Variants in MEP1A observed in about 807,000 individuals in gnomAD.
MEP1A encodes the protein meprin A subunit alpha, also known as N-benzoyl-L-tyrosyl-P-amino-benzoic acid hydrolase subunit alpha.
MEP1A carries 68 observed loss-of-function variants against 84.5 expected under a neutral mutation model. The observed-to-expected ratio is 0.80, with a 90% CI of 0.66 to 0.98. The LOEUF is 0.98. Ranked by LOEUF, MEP1A falls within the 50% of genes least tolerant of loss-of-function variation. MEP1A has a pLI of 0.00. For missense variants in MEP1A, 887 were observed against 919.9 expected (o/e 0.96, Z 0.46); for synonymous variants, 337 against 336.8 (o/e 1.00, Z -0.01).
downstream of MEP1A, among the ~76,000 whole-genome samples, chr6:46,843,614 T>A (rs1470597499): frequency 6.6e-6 from 1 of 152,198 alleles, no homozygotes; most frequent in African/African-American, 2.4e-5. Flanking sequence ...GGAGTGTGTG[T>A]TCCTTTTCAG....
chr6:46,815,070 A>G (rs996952139), intron 6 of MEP1A, among the ~76,000 whole-genome samples: 5 of 152,140 alleles, frequency 3.3e-5, no homozygotes, highest in African/African-American at 9.7e-5. Context: ...CTACGGTCCT[A>G]TAGGGAGGAT....
chr6:46,836,908 A>T (rs1301332556), intron 13 of MEP1A, among the ~76,000 whole-genome samples: 2 of 152,018 alleles, frequency 1.3e-5, no homozygotes, highest in Non-Finnish European at 2.9e-5. Context: ...GTGAACAGGT[A>T]CATGATGCCT....
At chr6:46,833,030 A>C in intron 10 of MEP1A, 44 bp from the exon 11 acceptor site, 1 of 1,094,528 alleles carries the variant, frequency 9.1e-7, no homozygotes, top group South Asian at 1.6e-5. Context: ...AGTACTCATT[A>C]AGTGTTGGTC....
Position 46,833,284 on chromosome 6 carries a change from A to G in MEP1A, c.1355A>G (p.Asp452Gly), listed in dbSNP as rs1194317197. The G allele has an allele frequency of 6.2e-7, 1 of 1,614,056 alleles. No homozygotes were observed. The highest frequency in any genetic ancestry group is 8.5e-7 in the Non-Finnish European group (1 of 1,180,042). ...SQVLENTSKG[D>G]KLQSPRFYNS... Reference sequence around the variant, plus strand: ...GTCCTTGAGAACACCAGCAAAGGGGACAAGCTTCAGAGCCCTCGATTCTAC... The same window carrying G: ...GTCCTTGAGAACACCAGCAAAGGGGGCAAGCTTCAGAGCCCTCGATTCTAC... Residue 452 changes from aspartate to glycine, a missense_variant, in exon 11 of 14, where the codon GAC (aspartate) becomes GGC (glycine). Asp to Gly is a moderately conservative substitution (Grantham distance 94). Coordinates refer to ENST00000230588, the MANE Select transcript of MEP1A (RefSeq NM_005588.3).
chr6:46,835,354 C>T lies in MEP1A; in HGVS notation c.1889C>T (p.Ser630Leu), dbSNP rs746944566. 1.1e-5 allele frequency: 17 copies of T among 1,611,036 alleles called. No individual in the cohort carries two copies. Among genetic ancestry groups the T allele is most frequent in the African/African-American group, 6.7e-5 (5 of 74,826 alleles). Reference sequence around the variant, plus strand: ...GAGCAGCAGGTCTCCGAAGAAGGTTCGGGAAAGGCCATGTTAGAGGAAGCC... The same window carrying T: ...GAGCAGCAGGTCTCCGAAGAAGGTTTGGGAAAGGCCATGTTAGAGGAAGCC... The part of the protein sequence containing the change: ...GQEQQVSEEG[S>L]GKAMLEEALP... The change falls in exon 13 of 14, where the codon TCG (serine) becomes TTG (leucine). Residue 630 changes from serine (S) to leucine (L), a missense_variant. Coordinates refer to ENST00000230588, the MANE Select transcript of MEP1A (RefSeq NM_005588.3).
At chr6:46,797,125 G>T (rs142263519) in intron 3 of MEP1A, among the ~76,000 whole-genome samples, 19 of 152,258 alleles carry the variant, frequency 1.2e-4, no homozygotes, top group African/African-American at 4.6e-4. Context: ...ACACCTCCTT[G>T]GTGTCCTATG....
chr6:46,816,416 A>G (rs1235762647), intron 6 of MEP1A, among the ~76,000 whole-genome samples: 2 of 152,140 alleles, frequency 1.3e-5, no homozygotes, highest in Admixed American at 6.6e-5. Flanking sequence ...TTAATACATG[A>G]CAATGAGTGT....
chr6:46,814,718 AT>A (rs1052004421), intron 6 of MEP1A, among the ~76,000 whole-genome samples: 1 of 152,018 alleles, frequency 6.6e-6, no homozygotes, highest in Non-Finnish European at 1.5e-5. Context: ...TGTTTTTCAG[AT>A]TTTTTTGTCC....
chr6:46,836,046 T>G (rs557726592), intron 13 of MEP1A, among the ~76,000 whole-genome samples: 3 of 152,230 alleles, frequency 2.0e-5, no homozygotes, highest in Non-Finnish European at 4.4e-5. Flanking sequence ...TTATGCATCA[T>G]GTAGTCTCCT....
chr6:46,810,445 T>C, intron 6 of MEP1A, among the ~76,000 whole-genome samples: 1 of 152,324 alleles, frequency 6.6e-6, no homozygotes, highest in South Asian at 2.1e-4. Flanking sequence ...ATTATTTCTT[T>C]TGCCATGCAG....
At chr6:46,836,793 A>AT (rs71536390) in intron 13 of MEP1A, among the ~76,000 whole-genome samples, 39,500 of 142,020 alleles carry the variant, frequency 0.28, 6,113 homozygotes, top group Middle Eastern at 0.35. Context: ...CTGGTCAGGG[A>AT]TTTTTTTTTT....
chr6:46,820,632 C>A (rs1319275256), intron 7 of MEP1A, among the ~76,000 whole-genome samples: 1 of 152,190 alleles, frequency 6.6e-6, no homozygotes, highest in African/African-American at 2.4e-5. Context: ...AGGTGATCGG[C>A]CTGCCTTGGC....
chr6:46,815,586 C>T (rs557018348), intron 6 of MEP1A, among the ~76,000 whole-genome samples: 36 of 152,224 alleles, frequency 2.4e-4, no homozygotes, highest in African/African-American at 7.5e-4. Context: ...AGTTGTGATC[C>T]AGTTCCTTCA....
Position 46,826,451 on chromosome 6 carries a change from G to A in MEP1A, c.876G>A (p.Gln292=). The A allele has an allele frequency of 6.2e-7, 1 of 1,606,418 alleles. No individual in the cohort carries two copies. Among genetic ancestry groups the A allele is most frequent in the Non-Finnish European group, 8.5e-7 (1 of 1,176,372 alleles). Reference sequence around the variant, plus strand: ...GAGATGACACTGACTGGGCCCATCAGGACAGTGCTCAGGCTGGAGAAGTGG... The same window carrying A: ...GAGATGACACTGACTGGGCCCATCAAGACAGTGCTCAGGCTGGAGAAGTGG... ...GTRDDTDWAH[Q]DSAQAGEVDH... Residue 292 remains glutamine, a synonymous_variant, in exon 9 of 14, where the codon CAG becomes CAA. Coordinates refer to ENST00000230588, the MANE Select transcript of MEP1A (RefSeq NM_005588.3).
Position 46,829,366 on chromosome 6 carries a change from C to T in MEP1A, c.939C>T (p.Tyr313=). 6.2e-7 allele frequency: 1 copy of T among 1,613,360 alleles called. No homozygotes were observed. The highest frequency in any genetic ancestry group is 8.5e-7 in the Non-Finnish European group (1 of 1,179,992). ...CTGCTCTTTCCATAGGTGCCGGCTA[C>T]TTCATGCAGTTCAGCACCAGCTCGG... ...TLLGQCTGAG[Y]FMQFSTSSGS... The change falls in exon 10 of 14, where the codon TAC becomes TAT. Residue 313 remains tyrosine, a synonymous_variant. Coordinates refer to ENST00000230588, the MANE Select transcript of MEP1A (RefSeq NM_005588.3).
intron 3 of MEP1A, among the ~76,000 whole-genome samples, chr6:46,793,929 A>G (rs1766992842): frequency 6.6e-6 from 1 of 152,234 alleles, no homozygotes; most frequent in Non-Finnish European, 1.5e-5. Context: ...GAAGTCCTCA[A>G]TGGATCTAGA....
intron 7 of MEP1A, among the ~76,000 whole-genome samples, chr6:46,822,612 C>T (rs1767806220): frequency 6.6e-6 from 1 of 152,122 alleles, no homozygotes; most frequent in Admixed American, 6.6e-5. Context: ...GGTGCAATCT[C>T]AGCTCACTAC....
intron 6 of MEP1A, among the ~76,000 whole-genome samples, chr6:46,817,116 A>G (rs1767658377): frequency 6.6e-6 from 1 of 152,174 alleles, no homozygotes; most frequent in African/African-American, 2.4e-5. Context: ...GATATAAAGA[A>G]GAGGGAATGG....
In MEP1A at chr6:46,793,785, C is replaced by T; in HGVS notation, c.145+69C>T. On this transcript the variant is annotated intron_variant, in intron 3 of 13. Coordinates refer to ENST00000230588, the MANE Select transcript of MEP1A (RefSeq NM_005588.3). Reference sequence around the variant, plus strand: ...AACCCAGTGGTGGGATTACTGAACACTTTCCTTCCTAATACTGTATTGTGA... The same window carrying T: ...AACCCAGTGGTGGGATTACTGAACATTTTCCTTCCTAATACTGTATTGTGA... 5 of 1,128,726 alleles carry T rather than the reference C, an allele frequency of 4.4e-6. No individual in the cohort carries two copies. The South Asian group carries it at 5.3e-5, about 12-fold the overall frequency. 69.9% of individuals were successfully genotyped at this position (1,128,726 alleles called of 1,614,324 possible).
Sources: gnomAD v4.1 joint callset for allele counts (sites outside exome capture counted in the v4.1 genomes callset) on GRCh38, gnomAD v4.1.1 for gene constraint, MANE v1.5 for transcripts, NCBI Gene and HGNC (gene_info 2026-07-23, HGNC 2026-07-21) for gene names.